Variants in ACVR1 observed in about 807,000 individuals in gnomAD.
ACVR1 encodes the protein activin A receptor type 1.
ACVR1 carries 38 observed loss-of-function variants against 57.1 expected under a neutral mutation model. The ratio of observed to expected loss-of-function variants is 0.67; its 90% CI spans 0.51 to 0.87. ACVR1 has a LOEUF of 0.87. Ranked by LOEUF, ACVR1 falls within the 40% of genes least tolerant of loss-of-function variation. The pLI is 0.00. For missense variants in ACVR1, 463 were observed against 638.2 expected (o/e 0.73, Z 2.96); for synonymous variants, 212 against 228.1 (o/e 0.93, Z 0.63).
intron 7 of ACVR1, among the ~76,000 whole-genome samples, chr2:157,768,880 C>T (rs1425454538): frequency 6.6e-6 from 1 of 152,140 alleles, no homozygotes. Context: ...CATAATGCAC[C>T]TGTGGTTACC....
At chr2:157,777,164 TG>T (rs1159363878) in intron 5 of ACVR1, among the ~76,000 whole-genome samples, 7 of 152,214 alleles carry the variant, frequency 4.6e-5, no homozygotes, top group African/African-American at 1.7e-4. Flanking sequence ...AATGAACACT[TG>T]GTAAGCAATT....
chr2:157,816,621 A>G (rs1687948326), intron 2 of ACVR1, among the ~76,000 whole-genome samples: 1 of 151,978 alleles, frequency 6.6e-6, no homozygotes, highest in Non-Finnish European at 1.5e-5. Flanking sequence ...AATAATAATA[A>G]TAATAAGGCT....
chr2:157,776,960 G>A (rs1686312812), intron 5 of ACVR1, among the ~76,000 whole-genome samples: 1 of 152,210 alleles, frequency 6.6e-6, no homozygotes, highest in Non-Finnish European at 1.5e-5. Flanking sequence ...ATTGTGACAA[G>A]GAGTCTCAAA....
intron 1 of ACVR1, among the ~76,000 whole-genome samples, chr2:157,856,569 G>A (rs1307673387): frequency 3.9e-5 from 6 of 152,150 alleles, no homozygotes; most frequent in Non-Finnish European, 8.8e-5. Context: ...AGTGCCTGTG[G>A]TGTGCCCCGT....
chr2:157,872,891 C>T (rs935738083), intron 1 of ACVR1, among the ~76,000 whole-genome samples: 1 of 152,180 alleles, frequency 6.6e-6, no homozygotes, highest in Non-Finnish European at 1.5e-5. Flanking sequence ...TATCATCTAC[C>T]TACTTCCTCC....
intron 3 of ACVR1, among the ~76,000 whole-genome samples, chr2:157,794,838 G>A (rs781206928): frequency 4.0e-5 from 6 of 151,272 alleles, no homozygotes; most frequent in Admixed American, 1.3e-4. Context: ...GAGCATTTAG[G>A]ATTCCATAGA....
intron 1 of ACVR1, among the ~76,000 whole-genome samples, chr2:157,863,481 G>A (rs868211436): frequency 1.1e-4 from 16 of 149,390 alleles, no homozygotes; most frequent in African/African-American, 3.9e-4. Flanking sequence ...CGGATCACCT[G>A]TGGTCAGGAG....
At chr2:157,773,779 T>C (rs1381710087) in intron 6 of ACVR1, among the ~76,000 whole-genome samples, 2 of 152,214 alleles carry the variant, frequency 1.3e-5, no homozygotes, top group African/African-American at 4.8e-5. Context: ...GAGTATCCAA[T>C]ACCTATGGTA....
At chr2:157,745,708 G>C (rs1684941330) in intron 9 of ACVR1, among the ~76,000 whole-genome samples, 1 of 152,008 alleles carries the variant, frequency 6.6e-6, no homozygotes, top group South Asian at 2.1e-4. Context: ...CAAAAAATTG[G>C]CCCTAATATG....
chr2:157,816,486 A>G (rs1423808464), intron 2 of ACVR1, among the ~76,000 whole-genome samples: 1 of 151,454 alleles, frequency 6.6e-6, no homozygotes, highest in Admixed American at 6.6e-5. Context: ...AGTCCTAGTT[A>G]CTTGGGAGGC....
intron 3 of ACVR1, among the ~76,000 whole-genome samples, chr2:157,796,212 ACT>A (rs1296816932): frequency 9.9e-5 from 13 of 130,690 alleles, no homozygotes; most frequent in African/African-American, 1.6e-4. Context: ...ACAGAGTGAG[ACT>A]CTGCCTCAAA....
intron 5 of ACVR1, 63 bp from the exon 6 acceptor site, chr2:157,774,250 T>G: frequency 2.3e-6 from 3 of 1,323,960 alleles, no homozygotes; most frequent in South Asian, 1.2e-5. Flanking sequence ...TTTGGAGTAT[T>G]AGCATGCATG....
chr2:157,825,080 T>C (rs1310073523), intron 1 of ACVR1, among the ~76,000 whole-genome samples: 1 of 152,154 alleles, frequency 6.6e-6, no homozygotes, highest in Non-Finnish European at 1.5e-5. Context: ...TTATTCCTGC[T>C]CTCTCCCTTT....
chr2:157,812,661 A>G (rs895340822), intron 2 of ACVR1, among the ~76,000 whole-genome samples: 1 of 152,242 alleles, frequency 6.6e-6, no homozygotes, highest in African/African-American at 2.4e-5. Context: ...TGTGCATCAT[A>G]TATACGCAAA....
chr2:157,817,797 G>A (rs576835175), intron 2 of ACVR1, among the ~76,000 whole-genome samples: 9 of 152,036 alleles, frequency 5.9e-5, no homozygotes, highest in Non-Finnish European at 1.3e-4. Context: ...TCAGGAGTTC[G>A]AGACCAGCCT....
At chr2:157,872,491 C>T (rs529325956) in intron 1 of ACVR1, among the ~76,000 whole-genome samples, 1 of 152,318 alleles carries the variant, frequency 6.6e-6, no homozygotes, top group African/African-American at 2.4e-5. Flanking sequence ...TAACTACAGC[C>T]AGGTGAAACC....
chr2:157,818,437 C>T lies in ACVR1; in HGVS notation c.-60G>A, dbSNP rs565830767. On this transcript the variant is annotated 5_prime_UTR_variant, in exon 2 of 11. Transcript: ENST00000434821. ...CCCACAGTCCTTCAAGCCGCGTGCCCTCGTTCAGAGCTTCTCTCACTCTGG... is the reference window on the plus strand; with the variant it reads ...CCCACAGTCCTTCAAGCCGCGTGCCTTCGTTCAGAGCTTCTCTCACTCTGG... 6.6e-6 allele frequency: 1 copy of T among 152,288 alleles called. No individual in the cohort carries two copies. Among genetic ancestry groups the T allele is most frequent in the South Asian group, 2.1e-4 (1 of 4,828 alleles). 9.4% of individuals were successfully genotyped at this position (152,288 alleles called of 1,614,324 possible). A position where few individuals can be genotyped will look rare whatever the true frequency, so the allele number is the denominator to read the frequency against.
At chr2:157,819,103 A>C (rs866388800) in intron 1 of ACVR1, among the ~76,000 whole-genome samples, 16 of 128,584 alleles carry the variant, frequency 1.2e-4, no homozygotes, top group Non-Finnish European at 2.2e-4. Flanking sequence ...AAAAAAAAAA[A>C]CCAGTAAGAT....
intron 1 of ACVR1, among the ~76,000 whole-genome samples, chr2:157,850,524 CA>C (rs1689259073): frequency 6.6e-6 from 1 of 152,080 alleles, no homozygotes; most frequent in African/African-American, 2.4e-5. Context: ...ACAAATCATA[CA>C]AGATTAACCC....
Sources: gnomAD v4.1 joint callset for allele counts (sites outside exome capture counted in the v4.1 genomes callset) on GRCh38, gnomAD v4.1.1 for gene constraint, MANE v1.5 for transcripts, NCBI Gene and HGNC (gene_info 2026-07-23, HGNC 2026-07-21) for gene names.